Variants in CSE1L observed in about 807,000 individuals in gnomAD.
The protein encoded by CSE1L is chromosome segregation 1 like, also known as exportin-2.
A neutral mutation model predicts 120.4 loss-of-function variants in CSE1L; 24 were observed. The observed-to-expected ratio is 0.20, with a 90% CI of 0.14 to 0.28. The LOEUF is 0.28. Ranked by LOEUF, CSE1L falls within the 10% of genes least tolerant of loss-of-function variation. CSE1L has a pLI of 1.00. For synonymous variants in CSE1L, 402 were observed against 398.3 expected, an observed-to-expected ratio of 1.01 and a Z score of -0.11; for missense variants, 830 against 1,145.2, an observed-to-expected ratio of 0.72 and a Z score of 3.97.
At chr20:49,095,947 T>G (rs1432326710) in intron 24 of CSE1L, among the ~76,000 whole-genome samples, 1 of 152,148 alleles carries the variant, frequency 6.6e-6, no homozygotes, top group African/African-American at 2.4e-5. Context: ...CAAACATATA[T>G]AGAAAGAGCA....
In CSE1L at chr20:49,085,303, C is replaced by T. The variant is rs1327998466; in HGVS notation, c.1640C>T (p.Ala547Val). 5.0e-6 allele frequency: 8 copies of T among 1,613,780 alleles called. No individual in the cohort carries two copies. The highest frequency in any genetic ancestry group is 6.8e-6 in the Non-Finnish European group (8 of 1,179,904). The change falls in exon 16 of 25, where the codon GCA (alanine) becomes GTA (valine). Residue 547 changes from alanine to valine, a missense_variant. Ala to Val is a moderately conservative substitution (Grantham distance 64). This residue lies in a region of CSE1L where 168 missense variants were observed against 267.9 expected (regional missense o/e 0.63). Coordinates refer to ENST00000262982, the MANE Select transcript of CSE1L (RefSeq NM_001316.4). ...NATLFTAAEI[A>V]PFVEILLTNL... ...TATAGCTTTACAGCTGCAGAAATCG[C>T]ACCGTTTGTTGAGATTCTGCTAACA...
chr20:49,067,938 T>C (rs1053960587), intron 6 of CSE1L, among the ~76,000 whole-genome samples: 57 of 141,018 alleles, frequency 4.0e-4, no homozygotes, highest in Non-Finnish European at 6.2e-4. Flanking sequence ...CTTTTTTTTT[T>C]TTTTTTTTTT....
At chr20:49,086,491 G>C (rs530966094) in intron 16 of CSE1L, among the ~76,000 whole-genome samples, 1 of 147,002 alleles carries the variant, frequency 6.8e-6, no homozygotes, top group Non-Finnish European at 1.5e-5. Flanking sequence ...TCAGCCTCCC[G>C]AGTAGCTAGG....
chr20:49,057,813 G>A (rs1310802412), intron 1 of CSE1L, among the ~76,000 whole-genome samples: 2 of 152,060 alleles, frequency 1.3e-5, no homozygotes, highest in African/African-American at 4.8e-5. Context: ...TGTATTTTTA[G>A]TAGAGACGGG....
intron 19 of CSE1L, among the ~76,000 whole-genome samples, chr20:49,090,345 G>A (rs771727732): frequency 1.3e-5 from 2 of 152,124 alleles, no homozygotes; most frequent in Non-Finnish European, 2.9e-5. Flanking sequence ...ATCACCTGAG[G>A]TCAGGAGTTC....
rs140188727 is a variant in CSE1L, at chr20:49,060,431, G to A, written c.85+1883G>A. The stretch of plus-strand genomic sequence containing the variant: ...CAGGAAGCGGAGGTTGCAGTTAACC[G>A]AGGCCACTGCACTCCAGCCTGGTGA... On this transcript the variant is annotated intron_variant, in intron 2 of 24. Coordinates refer to ENST00000262982, the MANE Select transcript of CSE1L (RefSeq NM_001316.4). 3.1e-3 allele frequency among the ~76,000 whole-genome samples: 458 copies of A among 149,742 alleles called. 5 individuals carry two copies. Among genetic ancestry groups the A allele is most frequent in the Admixed American group, 0.023 (342 of 14,940 alleles).
At chr20:49,061,725 G>A (rs956158976) in intron 2 of CSE1L, among the ~76,000 whole-genome samples, 2 of 150,144 alleles carry the variant, frequency 1.3e-5, no homozygotes, top group East Asian at 2.0e-4. Flanking sequence ...GGATGGTCTC[G>A]ATTTCCTGAC....
At chr20:49,084,252 G>A (rs1304557707) in intron 15 of CSE1L, 90 bp downstream of exon 15, 8 of 1,287,382 alleles carry the variant, frequency 6.2e-6, no homozygotes, top group Non-Finnish European at 2.1e-6. Context: ...AATTTCACTA[G>A]TGGGAAAACA....
chr20:49,047,492 A>G (rs2091724090), intron 1 of CSE1L, among the ~76,000 whole-genome samples: 8 of 148,114 alleles, frequency 5.4e-5, no homozygotes, highest in Admixed American at 5.4e-4. Context: ...GCCTCTCCCA[A>G]GTTTCCCTCA....
In CSE1L at chr20:49,094,175, C is replaced by T; in HGVS notation, c.2483C>T (p.Pro828Leu). The part of the protein sequence containing the change: ...FGMVLEKIII[P>L]EIQKVSGNVE... ...ATGGTTTTGGAAAAAATTATTATTC[C>T]TGAAATTCAGAAGGTATCTGGAAAT... Residue 828 changes from proline to leucine, a missense_variant, in exon 23 of 25, where the codon CCT (proline) becomes CTT (leucine). By Grantham distance (98) the Pro-to-Leu change is moderately conservative (BLOSUM62 -3). This residue lies in a region of CSE1L where 112 missense variants were observed against 200.0 expected (regional missense o/e 0.56). Coordinates refer to ENST00000262982, the MANE Select transcript of CSE1L (RefSeq NM_001316.4). The T allele has an allele frequency of 6.3e-7, 1 of 1,587,480 alleles. No homozygotes were observed. Among genetic ancestry groups the T allele is most frequent in the Admixed American group, 1.7e-5 (1 of 57,234 alleles).
At chr20:49,074,125 T>C (rs1457883517) in intron 10 of CSE1L, among the ~76,000 whole-genome samples, 1 of 150,500 alleles carries the variant, frequency 6.6e-6, no homozygotes, top group African/African-American at 2.5e-5. Context: ...GTGGGAGTTT[T>C]GCTTGAGCTC....
At chr20:49,071,476 T>C (rs2091931030) in intron 8 of CSE1L, among the ~76,000 whole-genome samples, 1 of 152,174 alleles carries the variant, frequency 6.6e-6, no homozygotes, top group Non-Finnish European at 1.5e-5. Flanking sequence ...TGGTTTTGGC[T>C]TTGGTTTTTG....
At chr20:49,082,911 C>T (rs1450010900) in intron 14 of CSE1L, among the ~76,000 whole-genome samples, 2 of 152,112 alleles carry the variant, frequency 1.3e-5, no homozygotes, top group South Asian at 4.1e-4. Flanking sequence ...CCAGGAAATT[C>T]TGGACTCAAG....
intron 2 of CSE1L, among the ~76,000 whole-genome samples, chr20:49,061,975 G>A (rs142721647): frequency 4.2e-4 from 64 of 152,230 alleles, no homozygotes; most frequent in African/African-American, 9.2e-4. Context: ...CCTTGAGTGC[G>A]CAGAAACATA....
chr20:49,093,909 C>G (rs533671914), intron 22 of CSE1L, among the ~76,000 whole-genome samples: 2 of 151,046 alleles, frequency 1.3e-5, no homozygotes, highest in Non-Finnish European at 2.9e-5. Context: ...AAGAGCGAAA[C>G]TCCGTCTCAA....
chr20:49,087,826 C>G (rs1225577642), intron 16 of CSE1L, among the ~76,000 whole-genome samples, 183 bp from the exon 17 acceptor site: 2 of 152,074 alleles, frequency 1.3e-5, no homozygotes, highest in Non-Finnish European at 2.9e-5. Context: ...TTGTTGCCAA[C>G]CCGTCCTAAT....
chr20:49,083,314 G>A (rs1320142283), intron 14 of CSE1L, among the ~76,000 whole-genome samples: 1 of 152,132 alleles, frequency 6.6e-6, no homozygotes, highest in Non-Finnish European at 1.5e-5. Context: ...CCGCCACTGC[G>A]CCCGGCCTAA....
chr20:49,065,313 A>ATTTTTT (rs376073464), intron 3 of CSE1L, among the ~76,000 whole-genome samples: 643 of 52,060 alleles, frequency 0.012, 100 homozygotes, highest in South Asian at 0.049. Flanking sequence ...TGAAAAAAAA[A>ATTTTTT]TTTTTTTTTT....
intron 1 of CSE1L, among the ~76,000 whole-genome samples, chr20:49,052,149 C>T (rs1455210725): frequency 1.3e-5 from 2 of 152,180 alleles, no homozygotes; most frequent in South Asian, 2.1e-4. Flanking sequence ...GGGATAGTCT[C>T]CAGTCTTGAC....
Sources: allele counts gnomAD v4.1 joint callset (sites outside exome capture counted in the v4.1 genomes callset), GRCh38; gene constraint gnomAD v4.1.1; regional missense constraint gnomAD v4.1.1; transcripts MANE v1.5; gene names NCBI Gene and HGNC (gene_info 2026-07-23, HGNC 2026-07-21).